Variants in PCNX4 observed in about 807,000 individuals in gnomAD.
The protein encoded by PCNX4 is pecanex-like protein 4.
In PCNX4, 103 loss-of-function variants were observed where a neutral mutation model predicts 107.2. That is an observed-to-expected ratio of 0.96 (90% confidence interval 0.82 to 1.13). The LOEUF (loss-of-function observed/expected upper bound fraction) is 1.13. Ranked by LOEUF, PCNX4 falls within the 50% of genes most tolerant of loss-of-function variation. The pLI, the probability that PCNX4 is intolerant of heterozygous loss-of-function variation, is 0.00. For synonymous variants in PCNX4, 541 were observed against 481.7 expected, an observed-to-expected ratio of 1.12 and a Z score of -1.61; for missense variants, 1,528 against 1,379.4, an observed-to-expected ratio of 1.11 and a Z score of -1.71.
intron 1 of PCNX4, among the ~76,000 whole-genome samples, chr14:60,106,422 TAC>T (rs1566931123): frequency 6.6e-6 from 1 of 152,322 alleles, no homozygotes; most frequent in Admixed American, 6.5e-5. Flanking sequence ...TCAGTACAGA[TAC>T]AGTTATTTTC....
Position 60,144,997 on chromosome 14 carries a change from T to G in PCNX4, c.*10776T>G, listed in dbSNP as rs772178678. The G allele has an allele frequency of 6.2e-7, 1 of 1,601,538 alleles. No homozygotes were observed. Among genetic ancestry groups the G allele is most frequent in the South Asian group, 1.1e-5 (1 of 87,408 alleles). On this transcript the variant is annotated 3_prime_UTR_variant, in exon 11 of 11. Coordinates refer to ENST00000406854, the MANE Select transcript of PCNX4 (RefSeq NM_001330177.2). The stretch of plus-strand genomic sequence containing the variant: ...ATGTTTTGTCTTAAAGATTTTAAAA[T>G]AAGAAGAGTCTGCATCCTGTAAAAG...
At chr14:60,095,258 A>G (rs1048435804) in intron 1 of PCNX4, among the ~76,000 whole-genome samples, 2 of 152,198 alleles carry the variant, frequency 1.3e-5, no homozygotes, top group South Asian at 4.1e-4. Flanking sequence ...TTTTTTACAT[A>G]AGATGACATA....
At position 60,139,580 on chromosome 14, in the gene PCNX4, G is replaced by A. The variant is rs1018838396; in HGVS notation, c.*5359G>A. The stretch of plus-strand genomic sequence containing the variant: ...AAAAATACGTAAATATGTAAAGATT[G>A]GAATAATACTTTAAAACTTAACCTA... On this transcript the variant is annotated 3_prime_UTR_variant, in exon 11 of 11. Coordinates refer to ENST00000406854, the MANE Select transcript of PCNX4 (RefSeq NM_001330177.2). The A allele has an allele frequency of 6.6e-6, 1 of 151,996 alleles. No homozygotes were observed. Among genetic ancestry groups the A allele is most frequent in the Admixed American group, 6.6e-5 (1 of 15,266 alleles). 9.4% of individuals were successfully genotyped at this position (151,996 alleles called of 1,614,324 possible).
intron 10 of PCNX4, among the ~76,000 whole-genome samples, chr14:60,132,298 C>T (rs1896169265): frequency 6.6e-6 from 1 of 152,230 alleles, no homozygotes; most frequent in African/African-American, 2.4e-5. Flanking sequence ...ATGTCAGTCA[C>T]TGGCTTTAGG....
At chr14:60,132,998 T>C (rs918535837) in intron 10 of PCNX4, among the ~76,000 whole-genome samples, 27 of 152,256 alleles carry the variant, frequency 1.8e-4, no homozygotes, top group Admixed American at 7.8e-4. Context: ...CTTGGGAATG[T>C]AAAATGGTAC....
rs1444942471 is a variant in PCNX4 at position 60,139,145 on chromosome 14, T to C, written c.*4924T>C. On this transcript the variant is annotated 3_prime_UTR_variant, in exon 11 of 11. Transcript: ENST00000406854. ...ATATCAGTTACAACATTCATATGAA[T>C]AGACAGTGTACCAATTAAATGCAAA... is the stretch of plus-strand genomic sequence containing the variant. 1 of 152,010 alleles carries C rather than the reference T, an allele frequency of 6.6e-6. No individual in the cohort carries two copies. Among genetic ancestry groups the C allele is most frequent in the Non-Finnish European group, 1.5e-5 (1 of 67,930 alleles). 9.4% of individuals were successfully genotyped at this position (152,010 alleles called of 1,614,324 possible). A position where few individuals can be genotyped will look rare whatever the true frequency, so the allele number is the denominator to read the frequency against.
Position 60,147,504 on chromosome 14 carries a change from T to G in PCNX4, c.*13283T>G, listed in dbSNP as rs1896438338. The G allele has an allele frequency of 6.6e-6, 1 of 152,190 alleles. No homozygotes were observed. The highest frequency in any genetic ancestry group is 2.1e-4 in the South Asian group (1 of 4,836). The allele number at this position is 152,190 out of a possible 1,614,324, so 9.4% of individuals were successfully genotyped here. A position where few individuals can be genotyped will look rare whatever the true frequency, so the allele number is the denominator to read the frequency against. On this transcript the variant is annotated 3_prime_UTR_variant, in exon 11 of 11. Coordinates refer to ENST00000406854, the MANE Select transcript of PCNX4 (RefSeq NM_001330177.2). ...TGTATACCTTAAATATATATAATTT[T>G]TATGTGTCAATTATAAAGAAAATCT...
rs761147742 is a variant in PCNX4 at position 60,108,237 on chromosome 14, C to G, written c.599C>G (p.Ala200Gly). The G allele has an allele frequency of 1.9e-6, 3 of 1,612,554 alleles. No homozygotes were observed. The highest frequency in any genetic ancestry group is 2.7e-5 in the African/African-American group (2 of 75,042). Residue 200 changes from alanine to glycine, a missense_variant, in exon 2 of 11, where the codon GCG (alanine) becomes GGG (glycine). By Grantham distance (60) the Ala-to-Gly change is moderately conservative. Coordinates refer to ENST00000406854, the MANE Select transcript of PCNX4 (RefSeq NM_001330177.2). ...SLIVNTATET[A>G]TFQTQDTYEI... is the part of the protein sequence containing the mutation. ...ATTGTAAACACAGCTACAGAGACTG[C>G]GACTTTCCAAACACAGGATACTTAT...
intron 1 of PCNX4, among the ~76,000 whole-genome samples, chr14:60,103,205 G>A (rs984987625): frequency 6.6e-6 from 1 of 152,108 alleles, no homozygotes; most frequent in Non-Finnish European, 1.5e-5. Context: ...TTAAGATCCT[G>A]ATGGAAACCC....
intron 1 of PCNX4, among the ~76,000 whole-genome samples, chr14:60,096,913 C>T (rs567259694): frequency 3.3e-5 from 5 of 152,306 alleles, no homozygotes; most frequent in African/African-American, 7.2e-5. Flanking sequence ...TATAGTAAAG[C>T]AAACCAGTCC....
chr14:60,133,757 C>G, intron 10 of PCNX4: 1 of 655,192 alleles, frequency 1.5e-6, no homozygotes, highest in South Asian at 1.6e-5. Context: ...TGCCAGGAAA[C>G]TTTTATTTAA....
intron 1 of PCNX4, among the ~76,000 whole-genome samples, chr14:60,103,407 C>G (rs1372144413): frequency 6.6e-6 from 1 of 152,200 alleles, no homozygotes; most frequent in Non-Finnish European, 1.5e-5. Flanking sequence ...TCCATTGTGA[C>G]TCTTCAAGAT....
chr14:60,118,476 G>A lies in PCNX4; in HGVS notation c.1726G>A (p.Val576Met), dbSNP rs748449922. Residue 576 changes from valine to methionine, a missense_variant, in exon 7 of 11, where the codon GTG becomes ATG. Physicochemically the swap from Val to Met is conservative, Grantham distance 21. Transcript: ENST00000406854. ...ACTCAACATTGTCTTTTCTCCATTC[G>A]TGTTGGTCATCATAGTTTTTTCTAC... The part of the protein sequence containing the change: ...CILNIVFSPF[V>M]LVIIVFSTLL... 42 of 1,613,400 alleles carry A rather than the reference G, an allele frequency of 2.6e-5. No homozygotes were observed. The highest frequency in any genetic ancestry group is 1.8e-4 in the Admixed American group (11 of 59,844).
Position 60,118,668 on chromosome 14 carries a change from A to C in PCNX4, c.1918A>C (p.Thr640Pro). 6.3e-7 allele frequency: 1 copy of C among 1,582,046 alleles called. No homozygotes were observed. Among genetic ancestry groups the C allele is most frequent in the Non-Finnish European group, 8.6e-7 (1 of 1,159,462 alleles). The change falls in exon 7 of 11, where the codon ACT becomes CCT. Residue 640 changes from threonine (T) to proline (P), a missense_variant. Thr to Pro is a conservative substitution (Grantham distance 38). Transcript: ENST00000406854. Reference sequence around the variant, plus strand: ...GCCCAGGTTGACTGCTGTACTGCAGACTGCAATGGCAGCTGGAAGTTTAGG... The same window carrying C: ...GCCCAGGTTGACTGCTGTACTGCAGCCTGCAATGGCAGCTGGAAGTTTAGG... ...MVPRLTAVLQ[T>P]AMAAGSLGLL... is the part of the protein sequence containing the mutation.
intron 10 of PCNX4, chr14:60,133,511 G>A: frequency 2.2e-5 from 8 of 363,528 alleles, no homozygotes; most frequent in South Asian, 1.5e-4. Context: ...ACTTAACTGT[G>A]GTGATGGTTG....
chr14:60,136,469 A>C lies in PCNX4; in HGVS notation c.*2248A>C, dbSNP rs1896241654. 1 of 152,220 alleles carries C rather than the reference A, an allele frequency of 6.6e-6. No homozygotes were observed. Among genetic ancestry groups the C allele is most frequent in the Non-Finnish European group, 1.5e-5 (1 of 68,044 alleles). The allele number at this position is 152,220 out of a possible 1,614,324, so 9.4% of individuals were successfully genotyped here. On this transcript the variant is annotated 3_prime_UTR_variant, in exon 11 of 11. Transcript: ENST00000406854. ...TAACCCAACCTCTCTTCTTACACTG[A>C]ACCTATATATATCACTTATTTGGTA...
At position 60,141,127 on chromosome 14, in the gene PCNX4, C is replaced by G. The variant is rs1303225070; in HGVS notation, c.*6906C>G. 3 of 152,228 alleles carry G rather than the reference C, an allele frequency of 2.0e-5. No homozygotes were observed. 9.4% of individuals were successfully genotyped at this position (152,228 alleles called of 1,614,324 possible). A position where few individuals can be genotyped will look rare whatever the true frequency, so the allele number is the denominator to read the frequency against. ...GTCTCTCCAAAAGCCAGATAGCCAA[C>G]CCCATGTGTCTCCAAGAGCTGTCTC... On this transcript the variant is annotated 3_prime_UTR_variant, in exon 11 of 11. Transcript: ENST00000406854.
At chr14:60,111,367 G>A (rs557421781) in intron 2 of PCNX4, among the ~76,000 whole-genome samples, 3 of 152,096 alleles carry the variant, frequency 2.0e-5, no homozygotes, top group Non-Finnish European at 4.4e-5. Context: ...AAACGTAAGG[G>A]GAGGATTAAT....
chr14:60,125,724 A>T lies in PCNX4; in HGVS notation c.3168A>T (p.Glu1056Asp), dbSNP rs573910766. 1 of 1,611,054 alleles carries T rather than the reference A, an allele frequency of 6.2e-7. No individual in the cohort carries two copies. The highest frequency in any genetic ancestry group is 1.1e-5 in the South Asian group (1 of 90,642). ...TGATTAAGTACCTTGAAGAATATGA[A>T]CGTGACTGGTACATTGGTTTGGTAT... is the stretch of plus-strand genomic sequence containing the variant. The part of the protein sequence containing the change: ...RELIKYLEEY[E>D]RDWYIGLVSD... Residue 1056 changes from glutamate (E) to aspartate (D), a missense_variant, in exon 10 of 11, where the codon GAA becomes GAT. Coordinates refer to ENST00000406854, the MANE Select transcript of PCNX4 (RefSeq NM_001330177.2).
Sources: gnomAD v4.1 joint callset for allele counts (sites outside exome capture counted in the v4.1 genomes callset) on GRCh38, gnomAD v4.1.1 for gene constraint, MANE v1.5 for transcripts, NCBI Gene and HGNC (gene_info 2026-07-23, HGNC 2026-07-21) for gene names.